The following RBFOX3 variants were observed in gnomAD, a reference collection of about 807,000 sequenced individuals.
The protein encoded by RBFOX3 is RNA binding protein fox-1 homolog 3.
A neutral mutation model predicts 48.7 loss-of-function variants in RBFOX3; 17 were observed. That is an observed-to-expected ratio of 0.35 (90% confidence interval 0.24 to 0.52). The LOEUF (loss-of-function observed/expected upper bound fraction) is 0.52. Among genes scored for constraint, RBFOX3 ranks in the 20% least tolerant of loss-of-function variants. The pLI is 0.94. For missense variants in RBFOX3, 382 were observed against 497.5 expected, an observed-to-expected ratio of 0.77 and a Z score of 2.21; for synonymous variants, 212 against 209.5, an observed-to-expected ratio of 1.01 and a Z score of -0.10.
In RBFOX3 at chr17:79,220,239, G is replaced by C. The variant is rs140977152; in HGVS notation, c.-34+15527C>G. The stretch of plus-strand genomic sequence containing the variant: ...CCACAGCAGGCTCCCGGGGAGGAGG[G>C]GAGGAGACCCAATCAGGGAAGCGGC... On this transcript the variant is annotated intron_variant, in intron 4 of 14. Coordinates refer to ENST00000693108, the MANE Select transcript of RBFOX3 (RefSeq NM_001350451.2). This position sits in a 1 kb window ranked among gnomAD's most constrained non-coding sequence, Gnocchi z 5.9. Among the ~76,000 whole-genome samples, 1 of 152,208 alleles carries C rather than the reference G, an allele frequency of 6.6e-6. No homozygotes were observed. The highest frequency in any genetic ancestry group is 1.5e-5 in the Non-Finnish European group (1 of 68,038).
chr17:79,442,990 C>T (rs1173641456), intron 2 of RBFOX3, among the ~76,000 whole-genome samples: 18 of 152,214 alleles, frequency 1.2e-4, no homozygotes, highest in Admixed American at 1.0e-3. Flanking sequence ...CCCAGCAGCT[C>T]GGCATTGGTC....
intron 1 of RBFOX3, among the ~76,000 whole-genome samples, chr17:79,579,973 G>A (rs1030344062): frequency 6.6e-6 from 1 of 151,498 alleles, no homozygotes; most frequent in South Asian, 2.1e-4. Flanking sequence ...TCACTGGGTC[G>A]GGGAGTCACT....
intron 3 of RBFOX3, among the ~76,000 whole-genome samples, chr17:79,266,331 C>A (rs73416103): frequency 0.017 from 2,554 of 152,322 alleles, 78 homozygotes; most frequent in African/African-American, 0.058. Flanking sequence ...CAGGCACCTT[C>A]TCACCTTGTT....
At chr17:79,632,721 T>C in the RBFOX3 span, among the ~76,000 whole-genome samples, 3 of 129,980 alleles carry the variant, frequency 2.3e-5, no homozygotes, top group African/African-American at 8.5e-5. Flanking sequence ...CTGGGCAACA[T>C]AGCAAGACCA....
intron 1 of RBFOX3, among the ~76,000 whole-genome samples, chr17:79,589,271 G>C (rs1326270984): frequency 6.8e-6 from 1 of 148,048 alleles, no homozygotes; most frequent in Non-Finnish European, 1.5e-5. Flanking sequence ...CTTCTTCTGG[G>C]GGCTCTGAGC....
intron 2 of RBFOX3, among the ~76,000 whole-genome samples, chr17:79,314,478 C>T (rs1405523925): frequency 6.6e-6 from 1 of 152,166 alleles, no homozygotes; most frequent in Non-Finnish European, 1.5e-5. Context: ...AGATCGGCCA[C>T]TCACAGCCAG....
rs575399714 is a variant in RBFOX3, at chr17:79,381,964, G to A, written c.-174-74140C>T. Among the ~76,000 whole-genome samples the A allele has an allele frequency of 9.2e-5, 14 of 152,264 alleles. No homozygotes were observed. The South Asian group carries it at 1.5e-3, about 16-fold the overall frequency. On this transcript the variant is annotated intron_variant, in intron 2 of 14. Transcript: ENST00000693108. Reference sequence around the variant, plus strand: ...CATCACAAAACATATTTGACAAAACGTCTCCAAGGACAGCTCAGTGCTCCA... The same window carrying A: ...CATCACAAAACATATTTGACAAAACATCTCCAAGGACAGCTCAGTGCTCCA...
chr17:79,398,167 G>A (rs2062279605), intron 2 of RBFOX3, among the ~76,000 whole-genome samples: 1 of 152,126 alleles, frequency 6.6e-6, no homozygotes, highest in Non-Finnish European at 1.5e-5. Context: ...AATACAAGCA[G>A]TGCTGAGAGC....
chr17:79,284,987 G>A (rs2071525800), intron 3 of RBFOX3, among the ~76,000 whole-genome samples: 1 of 152,288 alleles, frequency 6.6e-6, no homozygotes, highest in Admixed American at 6.5e-5. Context: ...AAATGGTCAT[G>A]GATTCAAAAG....
At chr17:79,552,367 C>G (rs1392775372) in intron 1 of RBFOX3, among the ~76,000 whole-genome samples, 1 of 152,122 alleles carries the variant, frequency 6.6e-6, no homozygotes, top group Non-Finnish European at 1.5e-5. Context: ...GCTTAAACAT[C>G]ACACATCAGC....
chr17:79,586,771 G>T (rs1395879832), intron 1 of RBFOX3, among the ~76,000 whole-genome samples: 1 of 152,204 alleles, frequency 6.6e-6, no homozygotes, highest in African/African-American at 2.4e-5. Flanking sequence ...AGCCCACCTT[G>T]TTTGTTGGAG....
chr17:79,388,705 C>T (rs916385970), intron 2 of RBFOX3, among the ~76,000 whole-genome samples: 2 of 152,142 alleles, frequency 1.3e-5, no homozygotes, highest in African/African-American at 4.8e-5. Context: ...CCAGGGTTCC[C>T]GGCAAGGACA....
intron 2 of RBFOX3, among the ~76,000 whole-genome samples, chr17:79,318,645 G>A (rs2077886258): frequency 6.6e-6 from 1 of 151,946 alleles, no homozygotes; most frequent in South Asian, 2.1e-4. Flanking sequence ...ACGAGGTCAG[G>A]AGATCTAGAC....
rs140206610 is a variant in RBFOX3, at chr17:79,285,242, C to T, written c.-74+22482G>A. Among the ~76,000 whole-genome samples, 12 of 152,220 alleles carry T rather than the reference C, an allele frequency of 7.9e-5. No homozygotes were observed. The East Asian group carries it at 1.9e-3, about 24-fold the overall frequency. ...AGAAGCTGTCAGTGGCGCTGTCCCCCCTTTCTGCCCCAGCCAGGTGGATAG... is the reference window on the plus strand; with the variant it reads ...AGAAGCTGTCAGTGGCGCTGTCCCCTCTTTCTGCCCCAGCCAGGTGGATAG... On this transcript the variant is annotated intron_variant, in intron 3 of 14. Coordinates refer to ENST00000693108, the MANE Select transcript of RBFOX3 (RefSeq NM_001350451.2).
At chr17:79,109,593 G>A (rs763476660) in intron 5 of RBFOX3, among the ~76,000 whole-genome samples, 100 of 152,334 alleles carry the variant, frequency 6.6e-4, no homozygotes, top group Non-Finnish European at 9.0e-4. Context: ...AACATCCACC[G>A]ATCTTTATGG....
chr17:79,467,398 C>A (rs891201685), intron 2 of RBFOX3, among the ~76,000 whole-genome samples: 9 of 152,138 alleles, frequency 5.9e-5, no homozygotes, highest in African/African-American at 9.7e-5. Flanking sequence ...ACTCAAAGAA[C>A]CTTGCTTCCA....
chr17:79,365,819 G>A (rs2057660282), intron 2 of RBFOX3, among the ~76,000 whole-genome samples: 1 of 152,248 alleles, frequency 6.6e-6, no homozygotes, highest in African/African-American at 2.4e-5. Context: ...GCAGGGTCAA[G>A]GGGCTATAGT....
chr17:79,131,353 T>C (rs1372311045), intron 4 of RBFOX3, among the ~76,000 whole-genome samples: 1 of 152,232 alleles, frequency 6.6e-6, no homozygotes, highest in Non-Finnish European at 1.5e-5. Context: ...GCGTCTGTGC[T>C]TCTGGACAGG....
At chr17:79,101,156 C>T (rs1285967523) in intron 9 of RBFOX3, among the ~76,000 whole-genome samples, 2 of 152,178 alleles carry the variant, frequency 1.3e-5, no homozygotes, top group African/African-American at 2.4e-5. Flanking sequence ...CCAAGGCCCC[C>T]CGTGCCCTCA....
Sources: gnomAD v4.1 joint callset for allele counts (sites outside exome capture counted in the v4.1 genomes callset) on GRCh38, gnomAD v4.1.1 for gene constraint, Gnocchi (gnomAD v3.1) non-coding constraint, MANE v1.5 for transcripts, NCBI Gene and HGNC (gene_info 2026-07-23, HGNC 2026-07-21) for gene names.